C1orf141: variants seen among roughly 807,000 people sequenced by gnomAD.
C1orf141 encodes the protein chromosome 1 open reading frame 141.
In C1orf141, 19 loss-of-function variants were observed where a neutral mutation model predicts 23.2. The observed-to-expected ratio is 0.82, with a 90% CI of 0.57 to 1.20. The LOEUF (loss-of-function observed/expected upper bound fraction) is 1.20. Ranked by LOEUF, C1orf141 falls within the 50% of genes most tolerant of loss-of-function variation. The pLI is 0.00. For synonymous variants in C1orf141, 153 were observed against 154.6 expected, an observed-to-expected ratio of 0.99 and a Z score of 0.08; for missense variants, 469 against 455.1, an observed-to-expected ratio of 1.03 and a Z score of -0.28.
Position 67,096,219 on chromosome 1 carries a change from G to T in C1orf141, c.416+33C>A. ...GTCCTACTAGAAACATCATTAAACA[G>T]AACAAAGTATTAAGCATTTTAAAAT... On this transcript the variant is annotated intron_variant, in intron 6 of 7. Transcript: ENST00000684719. 3.9e-6 allele frequency: 4 copies of T among 1,024,792 alleles called. No homozygotes were observed. In the South Asian group the frequency reaches 4.3e-5, roughly 11 times the overall value. 63.5% of individuals were successfully genotyped at this position (1,024,792 alleles called of 1,614,324 possible).
chr1:67,119,873 A>G (rs972434645), intron 4 of C1orf141, among the ~76,000 whole-genome samples: 2 of 152,244 alleles, frequency 1.3e-5, no homozygotes, highest in African/African-American at 4.8e-5. Context: ...ATTCAAAGAT[A>G]ATCAGGGATG....
chr1:67,100,840 G>A (rs953916494), intron 5 of C1orf141, among the ~76,000 whole-genome samples: 2 of 152,112 alleles, frequency 1.3e-5, no homozygotes, highest in African/African-American at 2.4e-5. Context: ...TATATTATGA[G>A]TTCAGGCACT....
chr1:67,115,584 G>A (rs543884586), intron 4 of C1orf141, 120 bp from the exon 5 acceptor site: 2 of 514,218 alleles, frequency 3.9e-6, no homozygotes, highest in East Asian at 3.4e-5. Flanking sequence ...TTATGTTAAT[G>A]TTGTCACAGT....
At chr1:67,108,034 A>T (rs1645973429) in intron 5 of C1orf141, among the ~76,000 whole-genome samples, 1 of 152,174 alleles carries the variant, frequency 6.6e-6, no homozygotes, top group Non-Finnish European at 1.5e-5. Context: ...TTAGGTTTTC[A>T]TTCTGGGGAT....
chr1:67,101,858 T>C (rs778244200), intron 5 of C1orf141, among the ~76,000 whole-genome samples: 12 of 152,146 alleles, frequency 7.9e-5, no homozygotes, highest in Non-Finnish European at 1.3e-4. Context: ...GCTGAACTAA[T>C]AGAACATCCT....
At chr1:67,132,978 G>A (rs1411476741) in intron 1 of C1orf141, among the ~76,000 whole-genome samples, 4 of 152,122 alleles carry the variant, frequency 2.6e-5, no homozygotes, top group African/African-American at 4.8e-5. Context: ...CTCTCACAGT[G>A]AATCATCTAC....
Position 67,092,196 on chromosome 1 carries a change from C to G in C1orf141, c.*809G>C, listed in dbSNP as rs765916439. On this transcript the variant is annotated 3_prime_UTR_variant, in exon 8 of 8. Coordinates refer to ENST00000684719, the MANE Select transcript of C1orf141 (RefSeq NM_001276351.2). The stretch of plus-strand genomic sequence containing the variant: ...TAGTTAATTTTGGAATTTATTACTT[C>G]CAAGATTATTTTTATGTGAAATACA... 4 of 152,156 alleles carry G rather than the reference C, an allele frequency of 2.6e-5. No individual in the cohort carries two copies. Among genetic ancestry groups the G allele is most frequent in the African/African-American group, 4.8e-5 (2 of 41,406 alleles). The allele number at this position is 152,156 out of a possible 1,614,324, so 9.4% of individuals were successfully genotyped here. A position where few individuals can be genotyped will look rare whatever the true frequency, so the allele number is the denominator to read the frequency against.
At chr1:67,126,136 A>G (rs1288806024) in intron 3 of C1orf141, among the ~76,000 whole-genome samples, 2 of 151,928 alleles carry the variant, frequency 1.3e-5, no homozygotes, top group Non-Finnish European at 2.9e-5. Context: ...CCCATCTGTA[A>G]AATGTGGGGG....
intron 7 of C1orf141, 73 bp from the exon 8 acceptor site, chr1:67,093,677 G>A: frequency 1.7e-6 from 2 of 1,202,182 alleles, no homozygotes; most frequent in East Asian, 2.5e-5. Context: ...TTTAAAACAT[G>A]TAAATAAAAT....
Position 67,092,871 on chromosome 1 carries a change from T to C in C1orf141, c.*134A>G. On this transcript the variant is annotated 3_prime_UTR_variant, in exon 8 of 8. Coordinates refer to ENST00000684719, the MANE Select transcript of C1orf141 (RefSeq NM_001276351.2). ...TCTTGAACAGACCACTGCTGACTTA[T>C]AATTCTAATGTCTATGCTTTGCTTT... 2.9e-6 allele frequency: 2 copies of C among 687,486 alleles called. No homozygotes were observed. Among genetic ancestry groups the C allele is most frequent in the African/African-American group, 1.8e-5 (1 of 55,292 alleles). 42.6% of individuals were successfully genotyped at this position (687,486 alleles called of 1,614,324 possible). A position where few individuals can be genotyped will look rare whatever the true frequency, so the allele number is the denominator to read the frequency against.
At chr1:67,138,467 C>T (rs994576749), upstream of C1orf141, among the ~76,000 whole-genome samples, 1 of 152,206 alleles carries the variant, frequency 6.6e-6, no homozygotes, top group Non-Finnish European at 1.5e-5. Flanking sequence ...ACACAACTCT[C>T]TCCTACTTTT....
chr1:67,102,057 A>G (rs183675845), intron 5 of C1orf141, among the ~76,000 whole-genome samples: 1 of 152,222 alleles, frequency 6.6e-6, no homozygotes, highest in East Asian at 1.9e-4. Context: ...TCCTGGCTCA[A>G]TAGAGTAAAT....
chr1:67,136,018 A>G (rs558112709), upstream of C1orf141, among the ~76,000 whole-genome samples: 77 of 151,608 alleles, frequency 5.1e-4, no homozygotes, highest in Non-Finnish European at 9.9e-4. Context: ...TCAAATATTT[A>G]AAAAACAAAA....
intron 5 of C1orf141, among the ~76,000 whole-genome samples, chr1:67,101,253 C>T (rs574276367): frequency 1.2e-4 from 18 of 152,216 alleles, no homozygotes; most frequent in African/African-American, 4.1e-4. Flanking sequence ...GCTTTGAGTA[C>T]ATCTAAAGCA....
intron 5 of C1orf141, among the ~76,000 whole-genome samples, chr1:67,106,245 A>G (rs1029362443): frequency 6.6e-6 from 1 of 152,206 alleles, no homozygotes; most frequent in Non-Finnish European, 1.5e-5. Flanking sequence ...TTGACCTAAA[A>G]GAACCAAGAA....
At chr1:67,121,508 G>T (rs1458916076) in intron 4 of C1orf141, 1 of 152,124 alleles carries the variant, frequency 6.6e-6, no homozygotes, top group Non-Finnish European at 1.5e-5. Flanking sequence ...ATGTGTAGTA[G>T]CATACTGTTA....
chr1:67,104,349 A>G (rs1197832083), intron 5 of C1orf141, among the ~76,000 whole-genome samples: 1 of 152,180 alleles, frequency 6.6e-6, no homozygotes, highest in Non-Finnish European at 1.5e-5. Flanking sequence ...GAAAAATAGC[A>G]TATTTATAGC....
chr1:67,137,994 T>C (rs1646600620), upstream of C1orf141, among the ~76,000 whole-genome samples: 1 of 152,198 alleles, frequency 6.6e-6, no homozygotes, highest in Non-Finnish European at 1.5e-5. Context: ...CTAATGTTCC[T>C]TTCACATCTT....
rs143579777 is a variant in C1orf141, at chr1:67,103,407, T to C, written c.347-7086A>G. 2,234 of 1,327,190 alleles carry C rather than the reference T, an allele frequency of 1.7e-3. 35 individuals are homozygous for C. In the East Asian group the frequency reaches 0.021, roughly 13 times the overall value. 82.2% of individuals were successfully genotyped at this position (1,327,190 alleles called of 1,614,324 possible). On this transcript the variant is annotated intron_variant, in intron 5 of 7. Transcript: ENST00000684719. ...TCTAAACATCAGGAAAAATGGAAAA[T>C]TATCTTAGAAACTATTTCTTTCCGT...
Sources: allele counts gnomAD v4.1 joint callset (sites outside exome capture counted in the v4.1 genomes callset), GRCh38; gene constraint gnomAD v4.1.1; transcripts MANE v1.5; gene names NCBI Gene and HGNC (gene_info 2026-07-23, HGNC 2026-07-21).